PRPSAP2: variants seen among roughly 807,000 people sequenced by gnomAD.
The protein encoded by PRPSAP2 is phosphoribosyl pyrophosphate synthetase associated protein 2.
In PRPSAP2, 24 loss-of-function variants were observed where a neutral mutation model predicts 40.6. That is an observed-to-expected ratio of 0.59 (90% CI 0.43 to 0.83). The LOEUF (loss-of-function observed/expected upper bound fraction) is 0.83. PRPSAP2 is among the 40% of genes least tolerant of loss of function. PRPSAP2 has a pLI of 0.00. For missense variants in PRPSAP2, 292 were observed against 465.6 expected (o/e 0.63, Z 3.43); for synonymous variants, 149 against 164.7 (o/e 0.90, Z 0.73).
chr17:18,882,279 A>G (rs965217644), intron 6 of PRPSAP2, among the ~76,000 whole-genome samples: 1 of 151,884 alleles, frequency 6.6e-6, no homozygotes, highest in Non-Finnish European at 1.5e-5. Flanking sequence ...TGGGAGGCTG[A>G]GGCAGGAGGA....
intron 7 of PRPSAP2, among the ~76,000 whole-genome samples, chr17:18,883,330 T>TA (rs1217774956): frequency 6.6e-6 from 1 of 152,136 alleles, no homozygotes; most frequent in Non-Finnish European, 1.5e-5. Context: ...TTTTGTGACT[T>TA]ACTATTTAAG....
chr17:18,860,552 A>G (rs1315006469), intron 1 of PRPSAP2: 1 of 152,216 alleles, frequency 6.6e-6, no homozygotes, highest in East Asian at 1.9e-4. Flanking sequence ...TGATGGGGAA[A>G]TCTTTTTACC....
chr17:18,917,602 T>A (rs1397304754), intron 9 of PRPSAP2: 51 of 119,826 alleles, frequency 4.3e-4, no homozygotes, highest in African/African-American at 8.9e-4. Context: ...TTTTTTTTTT[T>A]TTTTTTTTTT....
chr17:18,866,586 T>G (rs2037450019), intron 3 of PRPSAP2, among the ~76,000 whole-genome samples: 1 of 152,154 alleles, frequency 6.6e-6, no homozygotes, highest in African/African-American at 2.4e-5. Context: ...ATGTATATTA[T>G]ATGAAATAAC....
At chr17:18,929,358 AAATAATAATAAT>A (rs60559123) in intron 11 of PRPSAP2, among the ~76,000 whole-genome samples, 1 of 144,774 alleles carries the variant, frequency 6.9e-6, no homozygotes, top group East Asian at 2.0e-4. Context: ...CTCTTGTCTC[AAATAATAATAAT>A]AATAATAATA....
At chr17:18,905,656 C>T (rs1363051764) in intron 8 of PRPSAP2, among the ~76,000 whole-genome samples, 3 of 151,412 alleles carry the variant, frequency 2.0e-5, no homozygotes, top group Non-Finnish European at 4.4e-5. Context: ...CTCGGCTCAC[C>T]GCAATCTCCG....
upstream of PRPSAP2, chr17:18,857,942 C>T (rs1350861981): frequency 4.6e-5 from 7 of 152,430 alleles, no homozygotes; most frequent in African/African-American, 1.7e-4. Context: ...GCTAGCAGCT[C>T]CCCAGGGACC....
intron 8 of PRPSAP2, among the ~76,000 whole-genome samples, chr17:18,907,657 T>C (rs993637389): frequency 1.3e-5 from 2 of 152,092 alleles, no homozygotes; most frequent in Non-Finnish European, 2.9e-5. Context: ...AAGCCCCAAA[T>C]TGATAATTAT....
At chr17:18,884,577 C>T (rs927093701) in intron 7 of PRPSAP2, among the ~76,000 whole-genome samples, 1 of 152,058 alleles carries the variant, frequency 6.6e-6, no homozygotes, top group African/African-American at 2.4e-5. Context: ...TGGCCTCAAG[C>T]GATCCTCCTG....
intron 7 of PRPSAP2, among the ~76,000 whole-genome samples, chr17:18,885,403 CAAAAAAAA>C (rs775079199): frequency 3.6e-4 from 4 of 10,986 alleles, no homozygotes; most frequent in Non-Finnish European, 5.4e-4. Context: ...TTCCTTCTCA[CAAAAAAAA>C]AAAAAAAAAA....
intron 7 of PRPSAP2, among the ~76,000 whole-genome samples, chr17:18,887,502 T>A (rs186664083): frequency 1.3e-5 from 2 of 151,414 alleles, no homozygotes; most frequent in East Asian, 3.9e-4. Flanking sequence ...GTGCTGGGAT[T>A]ATGGGCATGA....
At chr17:18,866,243 C>CTA (rs1013295873) in intron 3 of PRPSAP2, among the ~76,000 whole-genome samples, 44 of 150,810 alleles carry the variant, frequency 2.9e-4, no homozygotes, top group African/African-American at 6.3e-4. Context: ...GTGTTAGATG[C>CTA]TATATATATA....
At chr17:18,896,391 C>T (rs1567713825) in intron 8 of PRPSAP2, among the ~76,000 whole-genome samples, 1 of 152,052 alleles carries the variant, frequency 6.6e-6, no homozygotes, top group Admixed American at 6.6e-5. Flanking sequence ...TGTGTTTGTG[C>T]ATGTCTTCAA....
intron 6 of PRPSAP2, 119 bp downstream of exon 6, chr17:18,877,989 A>G: frequency 9.1e-7 from 1 of 1,098,614 alleles, no homozygotes; most frequent in Non-Finnish European, 1.3e-6. Context: ...TGGCGTGATC[A>G]TAGCTCACTG....
Position 18,911,075 on chromosome 17 carries a change from TG to T in PRPSAP2, c.585-27del. On this transcript the variant is annotated intron_variant, in intron 8 of 11. Coordinates refer to ENST00000268835, the MANE Select transcript of PRPSAP2 (RefSeq NM_002767.4). This position sits in a 1 kb window ranked among gnomAD's most constrained non-coding sequence, Gnocchi z 4.5. Reference sequence around the variant, plus strand: ...GCAGAACCAAGGGCTGCATGAGTTTTGAGCTTGTGTCTGGTGTTTTCCCTCA... The same window carrying T: ...GCAGAACCAAGGGCTGCATGAGTTTTAGCTTGTGTCTGGTGTTTTCCCTCA... 1 of 1,585,168 alleles carries T rather than the reference TG, an allele frequency of 6.3e-7. No individual in the cohort carries two copies.
At chr17:18,896,699 A>G (rs542159907) in intron 8 of PRPSAP2, among the ~76,000 whole-genome samples, 12 of 144,068 alleles carry the variant, frequency 8.3e-5, no homozygotes, top group African/African-American at 2.3e-4. Context: ...GGATGGGACT[A>G]TTCACACAGA....
At chr17:18,877,894 A>G (rs1239022482) in intron 6 of PRPSAP2, 24 bp downstream of exon 6, 16 of 1,565,202 alleles carry the variant, frequency 1.0e-5, no homozygotes, top group African/African-American at 2.8e-5. Context: ...ATGTTTCACA[A>G]TTAATTGGGG....
rs2036725965 is a variant in PRPSAP2, at chr17:18,858,150, A to G, written c.-240A>G. On this transcript the variant is annotated 5_prime_UTR_variant, in exon 1 of 12. Transcript: ENST00000268835. ...GGCCTCGCAGTCACCGCGGACGCCAATCTTGTGCATGGAGTCGCCATTTTG... is the reference window on the plus strand; with the variant it reads ...GGCCTCGCAGTCACCGCGGACGCCAGTCTTGTGCATGGAGTCGCCATTTTG... 6.6e-6 allele frequency: 1 copy of G among 152,158 alleles called. No individual in the cohort carries two copies. Among genetic ancestry groups the G allele is most frequent in the African/African-American group, 2.4e-5 (1 of 41,438 alleles). The allele number at this position is 152,158 out of a possible 1,614,324, so 9.4% of individuals were successfully genotyped here. A position where few individuals can be genotyped will look rare whatever the true frequency, so the allele number is the denominator to read the frequency against.
At chr17:18,925,090 A>G (rs980832922) in intron 10 of PRPSAP2, among the ~76,000 whole-genome samples, 1 of 152,178 alleles carries the variant, frequency 6.6e-6, no homozygotes, top group African/African-American at 2.4e-5. Context: ...ACTGCACTCT[A>G]GCCTGGGCGA....
Sources: gnomAD v4.1 joint callset for allele counts (sites outside exome capture counted in the v4.1 genomes callset) on GRCh38, gnomAD v4.1.1 for gene constraint, Gnocchi (gnomAD v3.1) non-coding constraint, MANE v1.5 for transcripts, NCBI Gene and HGNC (gene_info 2026-07-23, HGNC 2026-07-21) for gene names.